Variants in ZC4H2 observed in about 807,000 individuals in gnomAD.
ZC4H2 encodes the protein zinc finger C4H2 domain-containing protein.
For synonymous variants in ZC4H2, 84 were observed against 66.3 expected (o/e 1.27, Z -1.30); for missense variants, 137 against 173.9 (o/e 0.79, Z 1.19).
chrX:64,938,634 T>G (rs143537494), intron 1 of ZC4H2, among the ~76,000 whole-genome samples: 1,487 of 111,781 alleles, frequency 0.013, 10 homozygotes, highest in Non-Finnish European at 0.02. Flanking sequence ...GTTCAACATA[T>G]GCAAATCAAT....
intron 1 of ZC4H2, among the ~76,000 whole-genome samples, chrX:64,942,663 C>T (rs1930345258): frequency 9.0e-6 from 1 of 111,334 alleles, no homozygotes; most frequent in Admixed American, 9.6e-5. Context: ...ACATGAACTC[C>T]TTCTTTTTTC....
At chrX:64,952,713 G>A (rs1180099817) in intron 1 of ZC4H2, among the ~76,000 whole-genome samples, 1 of 109,733 alleles carries the variant, frequency 9.1e-6, no homozygotes, top group Non-Finnish European at 1.9e-5. Context: ...TGGATAGCAA[G>A]AATCAATATC....
chrX:64,941,168 A>G (rs1930264616), intron 1 of ZC4H2, among the ~76,000 whole-genome samples: 1 of 111,479 alleles, frequency 9.0e-6, no homozygotes, highest in Non-Finnish European at 1.9e-5. Context: ...TGTGAATGGG[A>G]GTTCACTCAT....
chrX:65,002,145 C>T (rs1184826737), intron 1 of ZC4H2, among the ~76,000 whole-genome samples: 1 of 111,957 alleles, frequency 8.9e-6, no homozygotes, highest in Non-Finnish European at 1.9e-5. Flanking sequence ...ATACATTCTT[C>T]TCACCAACAC....
chrX:64,923,996 G>A (rs1194544873), intron 1 of ZC4H2, among the ~76,000 whole-genome samples: 1 of 111,913 alleles, frequency 8.9e-6, no homozygotes, highest in African/African-American at 3.3e-5. Context: ...TTACTTATTT[G>A]CTTATATCCC....
At chrX:64,984,840 T>C (rs996153247) in intron 1 of ZC4H2, among the ~76,000 whole-genome samples, 1 of 112,429 alleles carries the variant, frequency 8.9e-6, no homozygotes, top group Non-Finnish European at 1.9e-5. Flanking sequence ...CATAATTACC[T>C]TGGCATATGC....
intron 1 of ZC4H2, among the ~76,000 whole-genome samples, chrX:64,960,642 G>A (rs770981528): frequency 1.8e-5 from 2 of 112,212 alleles, no homozygotes; most frequent in Non-Finnish European, 3.8e-5. Context: ...ACTAAGTATA[G>A]GAATACAAAT....
chrX:65,012,870 G>A (rs748117406), intron 1 of ZC4H2, among the ~76,000 whole-genome samples: 1 of 111,446 alleles, frequency 9.0e-6, no homozygotes, highest in Non-Finnish European at 1.9e-5. Context: ...ATTCGTGGCA[G>A]GAAAGATAAA....
At chrX:65,027,638 G>C (rs1932892793) in intron 1 of ZC4H2, among the ~76,000 whole-genome samples, 1 of 111,199 alleles carries the variant, frequency 9.0e-6, no homozygotes, top group South Asian at 3.8e-4. Flanking sequence ...TACCCAGAGA[G>C]GGACAATAGG....
At chrX:64,964,924 G>T (rs1347775298) in intron 1 of ZC4H2, among the ~76,000 whole-genome samples, 1 of 111,838 alleles carries the variant, frequency 8.9e-6, no homozygotes, top group African/African-American at 3.2e-5. Context: ...TTGAAGGTAG[G>T]TTGTGATAAG....
At chrX:64,934,424 A>T (rs1345658567) in intron 1 of ZC4H2, among the ~76,000 whole-genome samples, 1 of 112,308 alleles carries the variant, frequency 8.9e-6, no homozygotes, top group African/African-American at 3.2e-5. Context: ...GGTCCATTTC[A>T]TGCAATTTGT....
intron 2 of ZC4H2, among the ~76,000 whole-genome samples, chrX:64,921,033 C>T (rs769922460): frequency 8.9e-6 from 1 of 112,411 alleles, no homozygotes; most frequent in Non-Finnish European, 1.9e-5. Flanking sequence ...CGATCTCTAA[C>T]ACAGAAAATC....
At position 65,027,936 on chromosome X, in the gene ZC4H2, C is replaced by A. The variant is rs1398675924; in HGVS notation, c.-272+6693G>T. ...TACTACAAAGGAGATTTTCCTAAAG[C>A]AGAGATCTGAGCACCTGGAAGAGCT... On this transcript the variant is annotated intron_variant, in intron 1 of 4. Coordinates refer to the ZC4H2 transcript ENST00000337990. Among the ~76,000 whole-genome samples the A allele has an allele frequency of 4.5e-5, 5 of 111,842 alleles. No individual in the cohort carries two copies. The East Asian group carries it at 1.4e-3, about 32-fold the overall frequency.
chrX:64,970,494 G>C (rs1931741729), intron 1 of ZC4H2, among the ~76,000 whole-genome samples: 1 of 91,204 alleles, frequency 1.1e-5, no homozygotes, highest in African/African-American at 4.0e-5. Flanking sequence ...GAGAGGAAGA[G>C]AGGAAGGGAG....
At chrX:64,960,792 T>G (rs1230568395) in intron 1 of ZC4H2, among the ~76,000 whole-genome samples, 1 of 112,147 alleles carries the variant, frequency 8.9e-6, no homozygotes, top group Non-Finnish European at 1.9e-5. Context: ...CTTCTACTGT[T>G]GAATTTCACT....
chrX:64,927,321 C>T (rs1482407699), intron 1 of ZC4H2, among the ~76,000 whole-genome samples: 6 of 109,922 alleles, frequency 5.5e-5, no homozygotes, highest in Admixed American at 9.7e-5. Context: ...GTGATGTTCC[C>T]CTCCCTGTGT....
chrX:64,926,892 C>T (rs1193122047), intron 1 of ZC4H2, among the ~76,000 whole-genome samples: 1 of 111,458 alleles, frequency 9.0e-6, no homozygotes, highest in African/African-American at 3.3e-5. Context: ...TGGATATGTG[C>T]AAATTTTGGT....
intron 1 of ZC4H2, among the ~76,000 whole-genome samples, chrX:64,994,309 C>A (rs1189917850): frequency 9.0e-6 from 1 of 111,483 alleles, no homozygotes; most frequent in African/African-American, 3.3e-5. Context: ...GTCAAGGTCA[C>A]CAAGTTCATA....
At chrX:64,974,552 T>C (rs1183217261) in intron 1 of ZC4H2, among the ~76,000 whole-genome samples, 1 of 111,975 alleles carries the variant, frequency 8.9e-6, no homozygotes. Flanking sequence ...TACCACTCTC[T>C]TGGATGGAAG....
Sources: allele counts gnomAD v4.1 joint callset (sites outside exome capture counted in the v4.1 genomes callset), GRCh38; gene constraint gnomAD v4.1.1; transcripts MANE v1.5; gene names NCBI Gene and HGNC (gene_info 2026-07-23, HGNC 2026-07-21).